Variants in PRKG1 observed in about 807,000 individuals in gnomAD.
PRKG1 encodes protein kinase cGMP-dependent 1, also known as cGMP-dependent protein kinase 1.
PRKG1 carries 35 observed loss-of-function variants against 88.1 expected under a neutral mutation model. The ratio of observed to expected loss-of-function variants is 0.40; its 90% CI spans 0.30 to 0.53. The LOEUF is 0.53. Among genes scored for constraint, PRKG1 ranks in the 20% least tolerant of loss-of-function variants. The pLI, the probability that PRKG1 is intolerant of heterozygous loss-of-function variation, is 0.59. For synonymous variants in PRKG1, 303 were observed against 292.5 expected, an observed-to-expected ratio of 1.04 and a Z score of -0.37; for missense variants, 540 against 839.8, an observed-to-expected ratio of 0.64 and a Z score of 4.41.
intron 3 of PRKG1, among the ~76,000 whole-genome samples, chr10:51,637,729 A>G (rs1839694719): frequency 6.6e-6 from 1 of 152,150 alleles, no homozygotes. Context: ...GAGAACACAT[A>G]GACACATGGG....
chr10:51,648,267 A>G (rs1415157440), intron 3 of PRKG1, among the ~76,000 whole-genome samples: 2 of 152,224 alleles, frequency 1.3e-5, no homozygotes, highest in Non-Finnish European at 2.9e-5. Flanking sequence ...TGAGATGCAC[A>G]TATCTCTATC....
intron 3 of PRKG1, among the ~76,000 whole-genome samples, chr10:51,494,451 T>C (rs61849789): frequency 0.046 from 7,019 of 152,298 alleles, 263 homozygotes; most frequent in Middle Eastern, 0.11. Flanking sequence ...GAAAGTAGTA[T>C]AAATGATAGT....
chr10:51,421,132 G>A (rs1193076872), intron 2 of PRKG1, among the ~76,000 whole-genome samples: 1 of 151,990 alleles, frequency 6.6e-6, no homozygotes, highest in Non-Finnish European at 1.5e-5. Flanking sequence ...GCCATGTGCT[G>A]CAGCTATGGC....
intron 4 of PRKG1, among the ~76,000 whole-genome samples, chr10:51,904,951 T>A (rs1009297512): frequency 2.0e-5 from 3 of 152,050 alleles, no homozygotes; most frequent in Non-Finnish European, 4.4e-5. Flanking sequence ...AAATAATAGG[T>A]GTAGTATAAT....
intron 1 of PRKG1, among the ~76,000 whole-genome samples, chr10:50,999,679 G>A (rs1842868113): frequency 6.6e-6 from 1 of 152,124 alleles, no homozygotes; most frequent in South Asian, 2.1e-4. Context: ...TACTGTTATT[G>A]TCTAATAAGC....
At chr10:52,140,837 C>A (rs1192848106) in intron 8 of PRKG1, among the ~76,000 whole-genome samples, 2 of 152,070 alleles carry the variant, frequency 1.3e-5, no homozygotes, top group African/African-American at 4.8e-5. Context: ...ACCGAGGTCA[C>A]CTGTATTCTT....
At chr10:51,274,016 T>A (rs1033975314) in intron 2 of PRKG1, among the ~76,000 whole-genome samples, 6 of 152,240 alleles carry the variant, frequency 3.9e-5, no homozygotes, top group African/African-American at 1.4e-4. Context: ...CTATTAATAA[T>A]GCAGGTTTCT....
chr10:51,331,896 C>T (rs1302729751), intron 2 of PRKG1, among the ~76,000 whole-genome samples: 2 of 152,056 alleles, frequency 1.3e-5, no homozygotes. Context: ...GAAGAATAAT[C>T]CTGAAGGGGA....
In PRKG1 at chr10:51,749,932, C is replaced by CTT. The variant is rs1179911606; in HGVS notation, c.593-54636_593-54635dup. On this transcript the variant is annotated intron_variant, in intron 3 of 17. Coordinates refer to ENST00000373980, the MANE Select transcript of PRKG1 (RefSeq NM_006258.4). Reference sequence around the variant, plus strand: ...ATATTAAAACTGTATCTCTAATAGTCTTTTTTTTTTTTTTTTTTCCTGTGA... The same window carrying CTT: ...ATATTAAAACTGTATCTCTAATAGTCTTTTTTTTTTTTTTTTTTTTCCTGTGA... 3.3e-3 allele frequency among the ~76,000 whole-genome samples: 433 copies of CTT among 131,734 alleles called. 4 individuals carry two copies. Among genetic ancestry groups the CTT allele is most frequent in the African/African-American group, 0.011 (370 of 34,972 alleles). The allele number at this position is 131,734 out of a possible 152,430, so 86.4% of individuals were successfully genotyped here.
intron 2 of PRKG1, among the ~76,000 whole-genome samples, chr10:51,315,580 T>C (rs1438057242): frequency 6.6e-6 from 1 of 152,198 alleles, no homozygotes; most frequent in Non-Finnish European, 1.5e-5. Context: ...AGGCACTGAC[T>C]ATCCGGTTTA....
At chr10:52,115,254 A>G (rs1019521953) in intron 7 of PRKG1, among the ~76,000 whole-genome samples, 11 of 151,994 alleles carry the variant, frequency 7.2e-5, no homozygotes, top group African/African-American at 2.4e-4. Context: ...TTTTTAATTC[A>G]TTCTTTCTCC....
At chr10:52,141,112 T>C (rs1903991) in intron 8 of PRKG1, among the ~76,000 whole-genome samples, 36,477 of 152,014 alleles carry the variant, frequency 0.24, 4,674 homozygotes, top group African/African-American at 0.33. Context: ...TTATTTGAAC[T>C]TGTCTTTTTT....
At chr10:51,368,280 A>G (rs1240325765) in intron 2 of PRKG1, among the ~76,000 whole-genome samples, 2 of 152,062 alleles carry the variant, frequency 1.3e-5, no homozygotes, top group Non-Finnish European at 2.9e-5. Context: ...TGATCGAAAC[A>G]TATTACACTT....
chr10:52,108,285 T>A (rs1364464146), intron 7 of PRKG1, among the ~76,000 whole-genome samples: 1 of 152,228 alleles, frequency 6.6e-6, no homozygotes, highest in Non-Finnish European at 1.5e-5. Flanking sequence ...ATACCAAGGA[T>A]GTCACAGGTA....
chr10:51,772,308 A>G (rs992506361), intron 3 of PRKG1, among the ~76,000 whole-genome samples: 1 of 152,168 alleles, frequency 6.6e-6, no homozygotes, highest in South Asian at 2.1e-4. Flanking sequence ...AAAGGTATGT[A>G]TTCAGGGAGA....
At chr10:52,266,356 C>T (rs1841569615) in intron 10 of PRKG1, among the ~76,000 whole-genome samples, 1 of 151,926 alleles carries the variant, frequency 6.6e-6, no homozygotes, top group Non-Finnish European at 1.5e-5. Flanking sequence ...TCTCCTGATG[C>T]TCTCTGCCAA....
intron 1 of PRKG1, among the ~76,000 whole-genome samples, chr10:51,066,275 C>T (rs1049906478): frequency 6.6e-6 from 1 of 152,024 alleles, no homozygotes; most frequent in Non-Finnish European, 1.5e-5. Flanking sequence ...AATCCTGTGA[C>T]CCAGTCTAAT....
At chr10:51,889,271 C>G (rs1841654805) in intron 4 of PRKG1, among the ~76,000 whole-genome samples, 1 of 141,052 alleles carries the variant, frequency 7.1e-6, no homozygotes, top group South Asian at 2.3e-4. Flanking sequence ...CAAATGTTCT[C>G]ATTGTTCAAT....
At chr10:51,340,985 C>A in intron 2 of PRKG1, among the ~76,000 whole-genome samples, 1 of 152,112 alleles carries the variant, frequency 6.6e-6, no homozygotes, top group East Asian at 1.9e-4. Flanking sequence ...GAAACTTTCC[C>A]CGTTAGCTAA....
Sources: gnomAD v4.1 joint callset for allele counts (sites outside exome capture counted in the v4.1 genomes callset) on GRCh38, gnomAD v4.1.1 for gene constraint, MANE v1.5 for transcripts, NCBI Gene and HGNC (gene_info 2026-07-23, HGNC 2026-07-21) for gene names.